CCL24: variants seen among roughly 807,000 people sequenced by gnomAD.
CCL24 encodes C-C motif chemokine 24.
CCL24 carries 6 observed loss-of-function variants against 8.6 expected under a neutral mutation model. The observed-to-expected ratio is 0.70, with a 90% CI of 0.38 to 1.38. The LOEUF (loss-of-function observed/expected upper bound fraction) is 1.38, where lower values mean the gene tolerates loss of function less well. CCL24 is among the 40% of genes most tolerant of loss of function. The pLI, the probability that CCL24 is intolerant of heterozygous loss-of-function variation, is 0.02. For missense variants in CCL24, 126 were observed against 147.1 expected (o/e 0.86, Z 0.74); for synonymous variants, 59 against 52.7 (o/e 1.12, Z -0.52).
chr7:75,813,063 G>T (rs182439306), intron 2 of CCL24, among the ~76,000 whole-genome samples: 1 of 152,156 alleles, frequency 6.6e-6, no homozygotes, highest in South Asian at 2.1e-4. Context: ...AGCTATGATC[G>T]TGCCACTGCA....
At position 75,813,722 on chromosome 7, in the gene CCL24, G is replaced by A. The variant is rs193245535; in HGVS notation, c.-7C>T. 5.6e-6 allele frequency: 9 copies of A among 1,613,082 alleles called. No homozygotes were observed. The highest frequency in any genetic ancestry group is 7.6e-6 in the Non-Finnish European group (9 of 1,179,226). On this transcript the variant is annotated 5_prime_UTR_variant, in exon 1 of 3. Coordinates refer to ENST00000222902, the MANE Select transcript of CCL24 (RefSeq NM_002991.3). ...TGGTCATCAGGCCTGCCATGTCTCA[G>A]AGAGCAGAAGCACCAGCTCGGGGCT... is the stretch of plus-strand genomic sequence containing the variant.
rs782346041 is a variant in CCL24, at chr7:75,813,360, C to A, written c.137G>T (p.Arg46Leu). Reference sequence around the variant, plus strand: ...GCTGGACAGCTGGTAGCTGACCACTCGGTTCTCAGGAATTCTCTTGGAAAC... The same window carrying A: ...GCTGGACAGCTGGTAGCTGACCACTAGGTTCTCAGGAATTCTCTTGGAAAC... ...FFVSKRIPEN[R>L]VVSYQLSSRS... The change falls in exon 2 of 3, where the codon CGA becomes CTA. Residue 46 changes from arginine to leucine, a missense_variant. Transcript: ENST00000222902. 8.7e-6 allele frequency: 14 copies of A among 1,613,692 alleles called. No individual in the cohort carries two copies. The highest frequency in any genetic ancestry group is 1.2e-5 in the Non-Finnish European group (14 of 1,179,906).
At chr7:75,815,340 TAAA>T (rs781838332), upstream of CCL24, among the ~76,000 whole-genome samples, 4 of 128,352 alleles carry the variant, frequency 3.1e-5, no homozygotes, top group Admixed American at 8.0e-5. Context: ...TCCTGTCTCT[TAAA>T]AAAAAAAAAA....
upstream of CCL24, among the ~76,000 whole-genome samples, chr7:75,815,335 T>C (rs1554533989): frequency 7.0e-6 from 1 of 142,196 alleles, no homozygotes; most frequent in Non-Finnish European, 1.5e-5. Flanking sequence ...CATAATCCTG[T>C]CTCTTAAAAA....
upstream of CCL24, among the ~76,000 whole-genome samples, chr7:75,816,725 C>T (rs1209076265): frequency 3.3e-5 from 5 of 151,646 alleles, no homozygotes; most frequent in Admixed American, 2.6e-4. Context: ...TCGTGTCTTG[C>T]TAATTGTTGT....
upstream of CCL24, among the ~76,000 whole-genome samples, chr7:75,817,595 C>A (rs942339812): frequency 3.3e-5 from 5 of 151,464 alleles, no homozygotes; most frequent in Non-Finnish European, 7.4e-5. Flanking sequence ...CTCAACCTCC[C>A]GGGTTCAAGC....
At position 75,811,513 on chromosome 7, in the gene CCL24, G is replaced by A. The variant is rs149282203; in HGVS notation, c.*283C>T. Among the ~76,000 whole-genome samples the A allele has an allele frequency of 6.6e-6, 1 of 151,948 alleles. No homozygotes were observed. The highest frequency in any genetic ancestry group is 1.5e-5 in the Non-Finnish European group (1 of 67,952). On this transcript the variant is annotated 3_prime_UTR_variant, in exon 3 of 3. Transcript: ENST00000222902. ...AAAAAAAGAAAAAGCATCAGAACCA[G>A]GTCAGGAGGAGAAGGCAAAGAGTTG...
In CCL24 at chr7:75,811,156, A is replaced by AG; in HGVS notation, c.*639_*640insC. On this transcript the variant is annotated 3_prime_UTR_variant, in exon 3 of 3. Coordinates refer to ENST00000222902, the MANE Select transcript of CCL24 (RefSeq NM_002991.3). ...CCACGTTCATTTCCTTTAAAAAAAA[A>AG]AAAATTATGATTTTTTTTTTTCAAC... Among the ~76,000 whole-genome samples the AG allele has an allele frequency of 6.6e-6, 1 of 152,044 alleles. No homozygotes were observed. Among genetic ancestry groups the AG allele is most frequent in the Non-Finnish European group, 1.5e-5 (1 of 67,972 alleles).
At position 75,821,948 on chromosome 7, in the gene CCL24, C is replaced by A. The variant is rs868986872; in HGVS notation, c.-60+1374G>T. ...GTCTCAAAAAAAAAAAAAAAGAAAACAAAATTAGCCAGGTGTGGTGGCACA... is the reference window on the plus strand; with the variant it reads ...GTCTCAAAAAAAAAAAAAAAGAAAAAAAAATTAGCCAGGTGTGGTGGCACA... On this transcript the variant is annotated intron_variant, in intron 1 of 3. Transcript: ENST00000416943. Among the ~76,000 whole-genome samples the A allele has an allele frequency of 2.3e-3, 324 of 142,976 alleles. 8 individuals carry two copies. The highest frequency in any genetic ancestry group is 0.011 in the Middle Eastern group (3 of 284). The allele number at this position is 142,976 out of a possible 152,430, so 93.8% of individuals were successfully genotyped here. A position where few individuals can be genotyped will look rare whatever the true frequency, so the allele number is the denominator to read the frequency against.
chr7:75,816,824 C>A (rs59990574), upstream of CCL24, among the ~76,000 whole-genome samples: 43,885 of 143,762 alleles, frequency 0.31, 6,920 homozygotes, highest in East Asian at 0.49. Flanking sequence ...GGCCCCCCAA[C>A]GTGCTGGGAT....
upstream of CCL24, among the ~76,000 whole-genome samples, chr7:75,816,486 G>T (rs1247815345): frequency 6.6e-6 from 1 of 152,124 alleles, no homozygotes; most frequent in Non-Finnish European, 1.5e-5. Context: ...GAGCAATTAG[G>T]GAGGATTAAG....
intron 1 of CCL24, 51 bp downstream of exon 1, chr7:75,813,592 C>A: frequency 6.6e-7 from 1 of 1,520,754 alleles, no homozygotes. Context: ...GCACCCCCCA[C>A]TGTGCCATCC....
chr7:75,816,443 C>T (rs536270095), upstream of CCL24, among the ~76,000 whole-genome samples: 1 of 152,268 alleles, frequency 6.6e-6, no homozygotes, highest in East Asian at 1.9e-4. Flanking sequence ...CTTCACCTCC[C>T]CATCAGCCAA....
rs1405643260 is a variant in CCL24 at position 75,811,107 on chromosome 7, A to C, written c.*689T>G. Among the ~76,000 whole-genome samples, 1 of 151,708 alleles carries C rather than the reference A, an allele frequency of 6.6e-6. No individual in the cohort carries two copies. The highest frequency in any genetic ancestry group is 2.1e-4 in the South Asian group (1 of 4,816). ...TCTTCCCAAAAAGATTAAACTACCCAGGCTGGCCCTTCACCCCAGTCCTCC... is the reference window on the plus strand; with the variant it reads ...TCTTCCCAAAAAGATTAAACTACCCCGGCTGGCCCTTCACCCCAGTCCTCC... On this transcript the variant is annotated 3_prime_UTR_variant, in exon 3 of 3. Coordinates refer to ENST00000222902, the MANE Select transcript of CCL24 (RefSeq NM_002991.3).
In CCL24 at chr7:75,813,674, A is replaced by G. The variant is rs1554533761; in HGVS notation, c.42T>C (p.Leu14=). 1 of 1,613,952 alleles carries G rather than the reference A, an allele frequency of 6.2e-7. No individual in the cohort carries two copies. Residue 14 remains leucine (L), a synonymous_variant, in exon 1 of 3, where the codon CTT becomes CTC. Transcript: ENST00000222902. ...GGATGATGTGGTGGGCACAGACACC[A>G]AGGAACAGAAGGCTGGTTACTATGG... ...LMTIVTSLLF[L]GVCAHHIIPT... is the part of the protein sequence containing the mutation.
intron 1 of CCL24, among the ~76,000 whole-genome samples, chr7:75,820,076 CTTCT>C (rs1238798008): frequency 7.2e-6 from 1 of 139,054 alleles, no homozygotes; most frequent in Non-Finnish European, 1.6e-5. Context: ...TCTTCTTCTT[CTTCT>C]TCTTCTTCCT....
chr7:75,815,243 G>T (rs550889866), upstream of CCL24, among the ~76,000 whole-genome samples: 11 of 151,932 alleles, frequency 7.2e-5, 1 homozygote, highest in South Asian at 1.9e-3. Flanking sequence ...GGAGGCTGAG[G>T]GGGCAGGATC....
rs563182475 is a variant in CCL24 at position 75,811,382 on chromosome 7, G to A, written c.*414C>T. Among the ~76,000 whole-genome samples the A allele has an allele frequency of 6.6e-6, 1 of 151,988 alleles. No individual in the cohort carries two copies. The highest frequency in any genetic ancestry group is 1.9e-4 in the East Asian group (1 of 5,154). ...TAGTCCCAGGTACTCGGGAGGCTGAGGCACGAGAATCACTTGAACCCAGGA... is the reference window on the plus strand; with the variant it reads ...TAGTCCCAGGTACTCGGGAGGCTGAAGCACGAGAATCACTTGAACCCAGGA... On this transcript the variant is annotated 3_prime_UTR_variant, in exon 3 of 3. Coordinates refer to ENST00000222902, the MANE Select transcript of CCL24 (RefSeq NM_002991.3).
At chr7:75,819,283 A>T (rs1803962300) in intron 1 of CCL24, among the ~76,000 whole-genome samples, 3 of 23,836 alleles carry the variant, frequency 1.3e-4, no homozygotes, top group African/African-American at 4.6e-4. Flanking sequence ...AAAAAAAAAA[A>T]AAAAAAAAAA....
Sources: allele counts gnomAD v4.1 joint callset (sites outside exome capture counted in the v4.1 genomes callset), GRCh38; gene constraint gnomAD v4.1.1; transcripts MANE v1.5; gene names NCBI Gene and HGNC (gene_info 2026-07-23, HGNC 2026-07-21).